The following CAMTA1 variants were observed in gnomAD, a reference collection of about 807,000 sequenced individuals.
CAMTA1 encodes the protein calmodulin binding transcription activator 1.
Under a neutral mutation model 170.9 loss-of-function variants are expected in CAMTA1, and 27 were observed. That is an observed-to-expected ratio of 0.16 (90% CI 0.12 to 0.22). The LOEUF is 0.22. Ranked by LOEUF, CAMTA1 falls within the 10% of genes least tolerant of loss-of-function variation. The probability of loss-of-function intolerance (pLI) is 1.00; values close to 1 mark genes in which losing one functional copy is unlikely to be tolerated. For synonymous variants in CAMTA1, 833 were observed against 891.5 expected, an observed-to-expected ratio of 0.93 and a Z score of 1.17; for missense variants, 1,619 against 2,217.2, an observed-to-expected ratio of 0.73 and a Z score of 5.42.
intron 4 of CAMTA1, among the ~76,000 whole-genome samples, chr1:7,231,124 A>G (rs1200696866): frequency 6.6e-6 from 1 of 151,914 alleles, no homozygotes; most frequent in Admixed American, 6.6e-5. Context: ...TACCTCCCTA[A>G]GTAGGATAAG....
chr1:7,484,244 C>T (rs1244696983), intron 6 of CAMTA1, among the ~76,000 whole-genome samples: 1 of 152,150 alleles, frequency 6.6e-6, no homozygotes, highest in Non-Finnish European at 1.5e-5. Flanking sequence ...GGGGGGCTCA[C>T]CAGCCTGACT....
chr1:7,347,744 C>T (rs1287913240), intron 5 of CAMTA1, among the ~76,000 whole-genome samples: 2 of 152,178 alleles, frequency 1.3e-5, no homozygotes, highest in Non-Finnish European at 2.9e-5. Flanking sequence ...CTTGCAGCTG[C>T]GTCCCTGCAT....
chr1:6,949,138 G>A (rs1332131350), intron 3 of CAMTA1, among the ~76,000 whole-genome samples: 1 of 152,200 alleles, frequency 6.6e-6, no homozygotes. Flanking sequence ...TTTATCTTTA[G>A]AACCAATGAT....
intron 3 of CAMTA1, among the ~76,000 whole-genome samples, chr1:6,924,967 G>A (rs1682807781): frequency 6.6e-6 from 1 of 152,240 alleles, no homozygotes; most frequent in African/African-American, 2.4e-5. Context: ...GGGGGGGACT[G>A]TGCTGTGGCT....
intron 5 of CAMTA1, among the ~76,000 whole-genome samples, chr1:7,361,576 T>G (rs2085536497): frequency 6.6e-6 from 1 of 152,214 alleles, no homozygotes; most frequent in African/African-American, 2.4e-5. Flanking sequence ...CCAGGTCCTG[T>G]GTACCCAGCC....
At chr1:7,184,184 A>C (rs925895966) in intron 4 of CAMTA1, among the ~76,000 whole-genome samples, 1 of 152,158 alleles carries the variant, frequency 6.6e-6, no homozygotes, top group African/African-American at 2.4e-5. Context: ...AAATTAAACA[A>C]TTGAACGCAT....
intron 4 of CAMTA1, among the ~76,000 whole-genome samples, chr1:7,205,344 C>T (rs1657535536): frequency 6.6e-6 from 1 of 152,166 alleles, no homozygotes; most frequent in South Asian, 2.1e-4. Context: ...CTCAGGTGAT[C>T]CACCCACCTT....
intron 5 of CAMTA1, among the ~76,000 whole-genome samples, chr1:7,364,992 G>C (rs2150006036): frequency 6.6e-6 from 1 of 152,346 alleles, no homozygotes; most frequent in South Asian, 2.1e-4. Context: ...GGCTCGGTGT[G>C]GCTGGTGATG....
chr1:7,540,726 T>TA (rs36088291), intron 6 of CAMTA1, among the ~76,000 whole-genome samples: 39,011 of 151,490 alleles, frequency 0.26, 5,198 homozygotes, highest in African/African-American at 0.3. Context: ...CAGTTGAGGG[T>TA]AAAAAATGCA....
Position 7,743,397 on chromosome 1 carries a change from CAT to C in CAMTA1, c.4183-1434_4183-1433del, listed in dbSNP as rs1287656314. On this transcript the variant is annotated intron_variant, in intron 16 of 22. Transcript: ENST00000303635. Reference sequence around the variant, plus strand: ...TGCTCAGGGGATGGCTTCTAGTAAACATATACAGCTGAGCAACCATCACCATA... The same window carrying C: ...TGCTCAGGGGATGGCTTCTAGTAAACATACAGCTGAGCAACCATCACCATA... 3.9e-5 allele frequency among the ~76,000 whole-genome samples: 6 copies of C among 152,056 alleles called. No individual in the cohort carries two copies. In the East Asian group the frequency reaches 1.2e-3, roughly 29 times the overall value.
chr1:6,824,219 G>A (rs576691530), intron 2 of CAMTA1, among the ~76,000 whole-genome samples: 1 of 152,260 alleles, frequency 6.6e-6, no homozygotes, highest in South Asian at 2.1e-4. Flanking sequence ...TGAATAATTT[G>A]TAACTTTGAC....
At chr1:6,820,592 A>C (rs45600641) in intron 2 of CAMTA1, among the ~76,000 whole-genome samples, 1,706 of 152,308 alleles carry the variant, frequency 0.011, 20 homozygotes, top group South Asian at 0.033. Flanking sequence ...TTTTGGGAAA[A>C]GCCACAGGTC....
At chr1:7,085,824 C>G (rs1012389769) in intron 3 of CAMTA1, among the ~76,000 whole-genome samples, 6 of 152,220 alleles carry the variant, frequency 3.9e-5, no homozygotes, top group Admixed American at 3.9e-4. Context: ...CAAAACCCAT[C>G]AGCTTGGGGA....
chr1:6,913,083 C>T (rs914790610), intron 3 of CAMTA1, among the ~76,000 whole-genome samples: 1 of 152,246 alleles, frequency 6.6e-6, no homozygotes, highest in African/African-American at 2.4e-5. Flanking sequence ...TCAGGTTCCT[C>T]CACTCTAAAT....
At chr1:6,917,854 G>A (rs1019546215) in intron 3 of CAMTA1, among the ~76,000 whole-genome samples, 4 of 147,612 alleles carry the variant, frequency 2.7e-5, no homozygotes, top group Non-Finnish European at 4.5e-5. Context: ...TCGGGGGCGG[G>A]GGGGGACATC....
intron 5 of CAMTA1, among the ~76,000 whole-genome samples, chr1:7,323,524 T>C (rs1397264996): frequency 6.8e-6 from 1 of 146,998 alleles, no homozygotes; most frequent in Admixed American, 6.8e-5. Flanking sequence ...TTTTTTTTTT[T>C]TTTTTTTTAT....
intron 5 of CAMTA1, among the ~76,000 whole-genome samples, chr1:7,358,057 G>T (rs1271622982): frequency 6.6e-6 from 1 of 152,212 alleles, no homozygotes; most frequent in Admixed American, 6.5e-5. Flanking sequence ...TCCAAGCCCA[G>T]ATCTTTGTGG....
intron 3 of CAMTA1, among the ~76,000 whole-genome samples, chr1:6,916,535 A>G (rs574401742): frequency 6.6e-6 from 1 of 152,256 alleles, no homozygotes; most frequent in African/African-American, 2.4e-5. Context: ...TTAAACTTTT[A>G]TCACTTTGCT....
At chr1:7,432,761 G>C (rs2149367730) in intron 5 of CAMTA1, among the ~76,000 whole-genome samples, 1 of 152,338 alleles carries the variant, frequency 6.6e-6, no homozygotes, top group South Asian at 2.1e-4. Context: ...TCCCCCTTGT[G>C]GCCCTGCATC....
Sources: allele counts gnomAD v4.1 joint callset (sites outside exome capture counted in the v4.1 genomes callset), GRCh38; gene constraint gnomAD v4.1.1; transcripts MANE v1.5; gene names NCBI Gene and HGNC (gene_info 2026-07-23, HGNC 2026-07-21).